The following CTNND2 variants were observed in gnomAD, a reference collection of about 807,000 sequenced individuals.
CTNND2 encodes the protein catenin delta-2.
In CTNND2, 22 loss-of-function variants were observed where a neutral mutation model predicts 144.4. That is an observed-to-expected ratio of 0.15 (90% CI 0.11 to 0.22). The LOEUF (loss-of-function observed/expected upper bound fraction) is 0.22. CTNND2 is among the 10% of genes least tolerant of loss of function. The pLI is 1.00. For synonymous variants in CTNND2, 751 were observed against 695.6 expected, an observed-to-expected ratio of 1.08 and a Z score of -1.25; for missense variants, 1,353 against 1,618.8, an observed-to-expected ratio of 0.84 and a Z score of 2.82.
chr5:11,656,364 G>T (rs117587108), intron 2 of CTNND2, among the ~76,000 whole-genome samples: 1 of 151,214 alleles, frequency 6.6e-6, no homozygotes, highest in East Asian at 1.9e-4. Flanking sequence ...CTCTACCTTT[G>T]TTCAGCCCAA....
At chr5:11,212,689 G>A (rs964724294) in intron 10 of CTNND2, among the ~76,000 whole-genome samples, 1 of 152,224 alleles carries the variant, frequency 6.6e-6, no homozygotes, top group Admixed American at 6.5e-5. Flanking sequence ...TGGTCAACAG[G>A]CCCTGATTCC....
At chr5:11,105,224 A>G (rs980334383) in intron 14 of CTNND2, among the ~76,000 whole-genome samples, 1 of 152,202 alleles carries the variant, frequency 6.6e-6, no homozygotes, top group Middle Eastern at 3.2e-3. Flanking sequence ...ACTGCCTTCT[A>G]AAGGGGCTTT....
intron 1 of CTNND2, among the ~76,000 whole-genome samples, chr5:11,759,986 T>TA (rs1789164333): frequency 7.1e-6 from 1 of 141,468 alleles, no homozygotes; most frequent in Admixed American, 7.4e-5. Context: ...ATTCATTAAT[T>TA]AAAAAATCAT....
chr5:11,631,427 A>G (rs965172672), intron 2 of CTNND2, among the ~76,000 whole-genome samples: 3 of 152,142 alleles, frequency 2.0e-5, no homozygotes, highest in Non-Finnish European at 2.9e-5. Context: ...GAAAGGCCCT[A>G]TTTACTCAAG....
At chr5:11,437,131 T>C (rs1433789266) in intron 3 of CTNND2, among the ~76,000 whole-genome samples, 1 of 152,244 alleles carries the variant, frequency 6.6e-6, no homozygotes, top group Non-Finnish European at 1.5e-5. Context: ...ATTATTGTTA[T>C]GTATTTCCAT....
intron 3 of CTNND2, among the ~76,000 whole-genome samples, chr5:11,538,036 GA>G (rs1774383544): frequency 6.6e-6 from 1 of 152,158 alleles, no homozygotes; most frequent in Non-Finnish European, 1.5e-5. Flanking sequence ...TCAACCTAAA[GA>G]AACTCTTCCT....
At chr5:11,367,144 G>A (rs1757060521) in intron 7 of CTNND2, among the ~76,000 whole-genome samples, 1 of 152,160 alleles carries the variant, frequency 6.6e-6, no homozygotes, top group Non-Finnish European at 1.5e-5. Flanking sequence ...AAATACAGTT[G>A]CATATGTAAG....
chr5:11,418,156 C>T (rs758226765), intron 3 of CTNND2, among the ~76,000 whole-genome samples: 1 of 152,062 alleles, frequency 6.6e-6, no homozygotes, highest in Non-Finnish European at 1.5e-5. Flanking sequence ...CCTATAATCC[C>T]AGCACTTCAG....
intron 3 of CTNND2, among the ~76,000 whole-genome samples, chr5:11,435,957 G>T (rs1025661094): frequency 6.6e-5 from 10 of 152,140 alleles, no homozygotes; most frequent in Non-Finnish European, 1.2e-4. Context: ...CATGTATAAT[G>T]GCGAAGATAA....
intron 14 of CTNND2, among the ~76,000 whole-genome samples, chr5:11,102,441 A>T (rs1162137312): frequency 6.6e-6 from 1 of 152,240 alleles, no homozygotes; most frequent in African/African-American, 2.4e-5. Context: ...ATTGAGAATT[A>T]GAGCTCTGTT....
intron 3 of CTNND2, among the ~76,000 whole-genome samples, chr5:11,532,358 C>T (rs1339765612): frequency 2.8e-5 from 4 of 143,218 alleles, no homozygotes; most frequent in South Asian, 5.0e-4. Context: ...AACTATTCTC[C>T]GTATCTTAGT....
chr5:11,561,557 A>C (rs1315646197), intron 3 of CTNND2, among the ~76,000 whole-genome samples: 2 of 152,228 alleles, frequency 1.3e-5, no homozygotes, highest in Non-Finnish European at 2.9e-5. Context: ...TCCCATTTGC[A>C]GGGAGTTATA....
In CTNND2 at chr5:11,253,180, T is replaced by G. The variant is rs1214522595; in HGVS notation, c.1629-16357A>C. ...TCTTACACCTCTCCTTTTCTTTTCTTTCATGATCTGTCTCTAAATTTTACT... is the reference window on the plus strand; with the variant it reads ...TCTTACACCTCTCCTTTTCTTTTCTGTCATGATCTGTCTCTAAATTTTACT... On this transcript the variant is annotated intron_variant, in intron 9 of 21. Coordinates refer to ENST00000304623, the MANE Select transcript of CTNND2 (RefSeq NM_001332.4). Among the ~76,000 whole-genome samples, 3 of 152,300 alleles carry G rather than the reference T, an allele frequency of 2.0e-5. No homozygotes were observed. In the East Asian group the frequency reaches 5.8e-4, roughly 29 times the overall value.
At chr5:11,190,373 C>T (rs545667882) in intron 11 of CTNND2, among the ~76,000 whole-genome samples, 14 of 152,340 alleles carry the variant, frequency 9.2e-5, no homozygotes, top group African/African-American at 3.1e-4. Flanking sequence ...ACTCTGCTTC[C>T]CCTGGTCTCC....
At chr5:11,002,256 T>C (rs1740033098) in intron 18 of CTNND2, among the ~76,000 whole-genome samples, 1 of 152,160 alleles carries the variant, frequency 6.6e-6, no homozygotes, top group Admixed American at 6.5e-5. Context: ...TGATGACCAG[T>C]GGTGCTCCAG....
chr5:11,127,079 T>C (rs11133648), intron 12 of CTNND2, among the ~76,000 whole-genome samples: 26,901 of 152,224 alleles, frequency 0.18, 4,103 homozygotes, highest in East Asian at 0.45. Flanking sequence ...GGACAGGACC[T>C]GGCAGGGAGC....
chr5:11,029,719 A>C (rs1743241198), intron 16 of CTNND2, among the ~76,000 whole-genome samples: 1 of 152,256 alleles, frequency 6.6e-6, no homozygotes, highest in Admixed American at 6.5e-5. Context: ...CAAAGTCACA[A>C]TAATGCTAGC....
intron 1 of CTNND2, among the ~76,000 whole-genome samples, chr5:11,896,830 T>C (rs1225275253): frequency 6.6e-6 from 1 of 152,196 alleles, no homozygotes. Context: ...AGTTCTCATA[T>C]AATTAGCTAC....
At position 11,120,669 on chromosome 5, in the gene CTNND2, T is replaced by C. The variant is rs1326042857; in HGVS notation, c.2160-3102A>G. On this transcript the variant is annotated intron_variant, in intron 12 of 21. Transcript: ENST00000304623. ...AGACTTCAAGAGGGGGTTATTATAC[T>C]GTCTGCAGGCAACATGAGGCTCAGT... 9.9e-4 allele frequency among the ~76,000 whole-genome samples: 150 copies of C among 151,358 alleles called. 1 individual carries two copies. The highest frequency in any genetic ancestry group is 1.6e-3 in the Non-Finnish European group (107 of 67,696).
Sources: gnomAD v4.1 joint callset for allele counts (sites outside exome capture counted in the v4.1 genomes callset) on GRCh38, gnomAD v4.1.1 for gene constraint, MANE v1.5 for transcripts, NCBI Gene and HGNC (gene_info 2026-07-23, HGNC 2026-07-21) for gene names.